The following PTPN9 variants were observed in gnomAD, a reference collection of about 807,000 sequenced individuals.
PTPN9 encodes the protein tyrosine-protein phosphatase non-receptor type 9.
Under a neutral mutation model 69.8 loss-of-function variants are expected in PTPN9, and 26 were observed. The ratio of observed to expected loss-of-function variants is 0.37; its 90% CI spans 0.27 to 0.52. PTPN9 has a LOEUF of 0.52. Among genes scored for constraint, PTPN9 ranks in the 20% least tolerant of loss-of-function variants. The pLI, the probability that PTPN9 is intolerant of heterozygous loss-of-function variation, is 0.91. For synonymous variants in PTPN9, 274 were observed against 272.5 expected (o/e 1.01, Z -0.05); for missense variants, 549 against 740.3 (o/e 0.74, Z 3.00).
intron 1 of PTPN9, among the ~76,000 whole-genome samples, chr15:75,542,564 T>G (rs1362696544): frequency 1.3e-5 from 2 of 152,224 alleles, no homozygotes; most frequent in African/African-American, 2.4e-5. Flanking sequence ...CAGGCAACAC[T>G]GAGGGGCCAG....
chr15:75,578,713 C>T lies in PTPN9; in HGVS notation c.63+1G>A. ...AACGCGGCGGCCTCGGGCCCGCTTA[C>T]CTGCTCCTCCTCCGGGGTCAGCTCC... is the stretch of plus-strand genomic sequence containing the variant. On this transcript the variant is annotated splice_donor_variant, in intron 1 of 12. Transcript: ENST00000618819. LOFTEE classifies it high-confidence loss of function. 1 of 1,371,086 alleles carries T rather than the reference C, an allele frequency of 7.3e-7. No individual in the cohort carries two copies. Among genetic ancestry groups the T allele is most frequent in the South Asian group, 1.6e-5 (1 of 61,804 alleles). The allele number at this position is 1,371,086 out of a possible 1,614,324, so 84.9% of individuals were successfully genotyped here. A position where few individuals can be genotyped will look rare whatever the true frequency, so the allele number is the denominator to read the frequency against.
At chr15:75,473,541 T>G in intron 10 of PTPN9, 148 bp downstream of exon 10, 1 of 659,152 alleles carries the variant, frequency 1.5e-6, no homozygotes, top group Non-Finnish European at 2.6e-6. Context: ...CCGCCTGCCT[T>G]GGCCTCCCTA....
intron 9 of PTPN9, among the ~76,000 whole-genome samples, chr15:75,475,974 A>G (rs1158825100): frequency 6.6e-6 from 1 of 152,146 alleles, no homozygotes; most frequent in Non-Finnish European, 1.5e-5. Flanking sequence ...CCCTGTCCCT[A>G]CAAAAAATAC....
intron 1 of PTPN9, among the ~76,000 whole-genome samples, chr15:75,578,062 A>G (rs1459646858): frequency 6.6e-6 from 1 of 152,170 alleles, no homozygotes; most frequent in Non-Finnish European, 1.5e-5. Context: ...AGAAAGATGG[A>G]GACAGTCAGA....
chr15:75,529,287 G>A (rs929497670), intron 1 of PTPN9, among the ~76,000 whole-genome samples: 1 of 151,798 alleles, frequency 6.6e-6, no homozygotes, highest in African/African-American at 2.4e-5. Flanking sequence ...ACCCAGCCAG[G>A]AATAATTTTT....
chr15:75,578,605 G>A (rs1316526486), intron 1 of PTPN9, 109 bp downstream of exon 1: 2 of 913,520 alleles, frequency 2.2e-6, no homozygotes, highest in African/African-American at 1.8e-5. Context: ...GCACGGGAGC[G>A]GGGGGCTGCG....
In PTPN9 at chr15:75,468,973, G is replaced by A; in HGVS notation, c.1578C>T (p.Cys526=). ...SAGIGRTGTF[C]SLDICLAQLE... Reference sequence around the variant, plus strand: ...GCTGTGCCAGGCAGATGTCCAGTGAGCAGAAGGTACCTGAAGAAGGAAGGA... The same window carrying A: ...GCTGTGCCAGGCAGATGTCCAGTGAACAGAAGGTACCTGAAGAAGGAAGGA... Residue 526 remains cysteine (C), a synonymous_variant, in exon 13 of 13, where the codon TGC becomes TGT. Coordinates refer to ENST00000618819, the MANE Select transcript of PTPN9 (RefSeq NM_002833.4). 1.2e-6 allele frequency: 2 copies of A among 1,612,242 alleles called. No homozygotes were observed. Among genetic ancestry groups the A allele is most frequent in the Non-Finnish European group, 1.7e-6 (2 of 1,178,408 alleles).
Position 75,467,946 on chromosome 15 carries a change from G to A in PTPN9, c.*823C>T, listed in dbSNP as rs1466937479. On this transcript the variant is annotated 3_prime_UTR_variant, in exon 13 of 13. Coordinates refer to ENST00000618819, the MANE Select transcript of PTPN9 (RefSeq NM_002833.4). ...TTCTTGGCTCCAACAGGTGGCAACT[G>A]GAAGGAGATAAGTCATTACTTAAGG... 1.3e-5 allele frequency: 2 copies of A among 152,638 alleles called. No individual in the cohort carries two copies. The highest frequency in any genetic ancestry group is 2.4e-5 in the African/African-American group (1 of 41,444). 9.5% of individuals were successfully genotyped at this position (152,638 alleles called of 1,614,324 possible). A position where few individuals can be genotyped will look rare whatever the true frequency, so the allele number is the denominator to read the frequency against.
intron 1 of PTPN9, among the ~76,000 whole-genome samples, chr15:75,546,856 C>T (rs2075035430): frequency 6.6e-6 from 1 of 152,010 alleles, no homozygotes; most frequent in Non-Finnish European, 1.5e-5. Flanking sequence ...AAAGTAACCA[C>T]ATAATCCTTA....
At chr15:75,578,666 C>A in intron 1 of PTPN9, 48 bp downstream of exon 1, 1 of 1,310,352 alleles carries the variant, frequency 7.6e-7, no homozygotes, top group Non-Finnish European at 9.8e-7. Flanking sequence ...CCGGCGTAGG[C>A]CTCGGGGGCC....
rs773901742 is a variant in PTPN9 at position 75,523,154 on chromosome 15, G to T, written c.389C>A (p.Ala130Asp). The T allele has an allele frequency of 1.9e-6, 3 of 1,614,122 alleles. No homozygotes were observed. In the Admixed American group the frequency reaches 5.0e-5, roughly 27 times the overall value. The change falls in exon 4 of 13, where the codon GCT becomes GAT. Residue 130 changes from alanine to aspartate, a missense_variant. Around this residue, in one of 3 missense-constraint regions of PTPN9, gnomAD observed 457 missense variants for 661.9 expected, o/e 0.69. Transcript: ENST00000618819. ...HKSVQHVVLQALFYLLDRAVD... is the reference protein window; with the variant it reads ...HKSVQHVVLQDLFYLLDRAVD... ...AGCTCTGTCTAGCAAGTAAAACAGA[G>T]CCTGAAGTACCACATGTTGGACTGA...
In PTPN9 at chr15:75,509,138, A is replaced by G. The variant is rs76290584; in HGVS notation, c.529-111T>C. ...TTCTTACCCAGCAGGGGGAGTCTACAGCCTAATTCAGGTTTGATCTCAGCA... is the reference window on the plus strand; with the variant it reads ...TTCTTACCCAGCAGGGGGAGTCTACGGCCTAATTCAGGTTTGATCTCAGCA... On this transcript the variant is annotated intron_variant, in intron 5 of 12. Transcript: ENST00000618819. The G allele has an allele frequency of 1.9e-3, 1,505 of 791,500 alleles. 18 individuals are homozygous for G. The African/African-American group carries it at 0.022, about 12-fold the overall frequency. 49.0% of individuals were successfully genotyped at this position (791,500 alleles called of 1,614,324 possible). A position where few individuals can be genotyped will look rare whatever the true frequency, so the allele number is the denominator to read the frequency against.
At chr15:75,532,678 G>GTAC (rs1195102603) in intron 1 of PTPN9, among the ~76,000 whole-genome samples, 1 of 152,176 alleles carries the variant, frequency 6.6e-6, no homozygotes, top group Non-Finnish European at 1.5e-5. Flanking sequence ...AGAGTCCAGT[G>GTAC]TACTATAAAC....
chr15:75,524,100 TATA>T (rs2074916443), intron 3 of PTPN9, 106 bp downstream of exon 3: 1 of 424,398 alleles, frequency 2.4e-6, no homozygotes, highest in Non-Finnish European at 3.9e-6. Flanking sequence ...AAACTTAAAG[TATA>T]ATAATAATAA....
At chr15:75,539,474 T>G (rs1268281701) in intron 1 of PTPN9, among the ~76,000 whole-genome samples, 1 of 144,974 alleles carries the variant, frequency 6.9e-6, no homozygotes, top group Non-Finnish European at 1.5e-5. Context: ...TGCCTACTTT[T>G]TGTGTGTGTT....
In PTPN9 at chr15:75,467,954, A is replaced by G. The variant is rs2074543861; in HGVS notation, c.*815T>C. Reference sequence around the variant, plus strand: ...TCCAACAGGTGGCAACTGGAAGGAGATAAGTCATTACTTAAGGAAGGGGCC... The same window carrying G: ...TCCAACAGGTGGCAACTGGAAGGAGGTAAGTCATTACTTAAGGAAGGGGCC... On this transcript the variant is annotated 3_prime_UTR_variant, in exon 13 of 13. Coordinates refer to ENST00000618819, the MANE Select transcript of PTPN9 (RefSeq NM_002833.4). The G allele has an allele frequency of 1.3e-5, 2 of 152,670 alleles. No individual in the cohort carries two copies. 9.5% of individuals were successfully genotyped at this position (152,670 alleles called of 1,614,324 possible).
intron 7 of PTPN9, among the ~76,000 whole-genome samples, chr15:75,490,630 C>G (rs932230350): frequency 6.7e-6 from 1 of 150,090 alleles, no homozygotes; most frequent in African/African-American, 2.4e-5. Context: ...GAGAGCTTAT[C>G]TCTTTTTTTT....
chr15:75,550,078 A>G (rs1422008826), intron 1 of PTPN9, among the ~76,000 whole-genome samples: 1 of 152,046 alleles, frequency 6.6e-6, no homozygotes, highest in Admixed American at 6.6e-5. Flanking sequence ...AGCCCTGTAA[A>G]TAGAGAGAAA....
intron 7 of PTPN9, among the ~76,000 whole-genome samples, chr15:75,492,573 G>A (rs994719101): frequency 1.3e-5 from 2 of 152,130 alleles, no homozygotes; most frequent in Admixed American, 6.5e-5. Context: ...TCCCCTCAGC[G>A]GATCCAAAGG....
Sources: allele counts gnomAD v4.1 joint callset (sites outside exome capture counted in the v4.1 genomes callset), GRCh38; gene constraint gnomAD v4.1.1; regional missense constraint gnomAD v4.1.1; transcripts MANE v1.5; gene names NCBI Gene and HGNC (gene_info 2026-07-23, HGNC 2026-07-21).